MALRD1: variants seen among roughly 807,000 people sequenced by gnomAD.
MALRD1 encodes the protein MAM and LDL receptor class A domain containing 1.
Under a neutral mutation model 242.1 loss-of-function variants are expected in MALRD1, and 247 were observed. That is an observed-to-expected ratio of 1.02 (90% CI 0.92 to 1.13). The LOEUF (loss-of-function observed/expected upper bound fraction) is 1.13. Among genes scored for constraint, MALRD1 ranks in the 50% most tolerant of loss-of-function variants. The pLI, the probability that MALRD1 is intolerant of heterozygous loss-of-function variation, is 0.00. For missense variants in MALRD1, 2,989 were observed against 2,533.1 expected (o/e 1.18, Z -3.86); for synonymous variants, 995 against 866.6 (o/e 1.15, Z -2.60).
intron 20 of MALRD1, among the ~76,000 whole-genome samples, chr10:19,282,588 C>G (rs1840871197): frequency 6.6e-6 from 1 of 152,078 alleles, no homozygotes; most frequent in South Asian, 2.1e-4. Context: ...TTATAGGAAA[C>G]AGGTCCAATA....
At chr10:19,534,781 T>C (rs1224011221) in intron 32 of MALRD1, among the ~76,000 whole-genome samples, 2 of 152,110 alleles carry the variant, frequency 1.3e-5, no homozygotes, top group Admixed American at 6.6e-5. Flanking sequence ...ATTTATAATT[T>C]TTATATTACT....
At chr10:19,208,137 C>CA (rs892186026) in intron 17 of MALRD1, among the ~76,000 whole-genome samples, 1 of 151,200 alleles carries the variant, frequency 6.6e-6, no homozygotes, top group Non-Finnish European at 1.5e-5. Context: ...CTGCTAAAAG[C>CA]AAAACATCAG....
chr10:19,674,221 C>G (rs1288503590), intron 36 of MALRD1, among the ~76,000 whole-genome samples: 1 of 152,140 alleles, frequency 6.6e-6, no homozygotes, highest in Admixed American at 6.5e-5. Flanking sequence ...AACCTCATCT[C>G]CAGTGAGTAA....
At chr10:19,223,645 C>G (rs1185623466) in intron 18 of MALRD1, among the ~76,000 whole-genome samples, 4 of 152,070 alleles carry the variant, frequency 2.6e-5, no homozygotes, top group Admixed American at 6.6e-5. Context: ...TTTGCTGCAC[C>G]CATCAACCCG....
chr10:19,277,400 G>A (rs1238487700), intron 19 of MALRD1, among the ~76,000 whole-genome samples: 2 of 152,076 alleles, frequency 1.3e-5, no homozygotes, highest in Non-Finnish European at 2.9e-5. Flanking sequence ...AGCTCTACCT[G>A]GTAGCCTAAT....
intron 38 of MALRD1, among the ~76,000 whole-genome samples, chr10:19,700,055 C>A (rs1161127712): frequency 6.6e-6 from 1 of 151,796 alleles, no homozygotes; most frequent in East Asian, 1.9e-4. Flanking sequence ...CACACACACA[C>A]ACACACGAAA....
At chr10:19,135,029 C>CA (rs1354609291) in intron 9 of MALRD1, among the ~76,000 whole-genome samples, 4 of 152,076 alleles carry the variant, frequency 2.6e-5, no homozygotes, top group Non-Finnish European at 4.4e-5. Flanking sequence ...TAGCAGCATA[C>CA]AAAGTTTTCT....
intron 38 of MALRD1, among the ~76,000 whole-genome samples, chr10:19,717,515 C>T (rs749195469): frequency 1.3e-5 from 2 of 152,068 alleles, no homozygotes; most frequent in African/African-American, 4.8e-5. Context: ...TAAATGTCAT[C>T]CCAGTAAAAA....
chr10:19,050,389 C>T (rs1590358311), intron 1 of MALRD1, among the ~76,000 whole-genome samples: 1 of 148,956 alleles, frequency 6.7e-6, no homozygotes, highest in Non-Finnish European at 1.5e-5. Context: ...GCCCGGCCTT[C>T]TTTTTTTTTT....
At chr10:19,404,874 A>G (rs1371865567) in intron 28 of MALRD1, among the ~76,000 whole-genome samples, 1 of 152,196 alleles carries the variant, frequency 6.6e-6, no homozygotes, top group Non-Finnish European at 1.5e-5. Flanking sequence ...CTTCTCATAT[A>G]TGGTGAGCTC....
chr10:19,118,923 T>A (rs1165297377), intron 5 of MALRD1, among the ~76,000 whole-genome samples: 1 of 152,160 alleles, frequency 6.6e-6, no homozygotes, highest in Non-Finnish European at 1.5e-5. Flanking sequence ...ATGGAAGGGC[T>A]TTAAGCAGAG....
At chr10:19,714,366 G>T (rs539790826) in intron 38 of MALRD1, among the ~76,000 whole-genome samples, 2 of 152,264 alleles carry the variant, frequency 1.3e-5, no homozygotes, top group Non-Finnish European at 2.9e-5. Flanking sequence ...TCGTTCAGCT[G>T]GTCAGCCTGC....
intron 2 of MALRD1, among the ~76,000 whole-genome samples, chr10:19,084,597 A>G (rs1015500814): frequency 6.6e-6 from 1 of 151,956 alleles, no homozygotes; most frequent in Admixed American, 6.6e-5. Context: ...AAGGCTGCCC[A>G]TCAATGGTTG....
chr10:19,232,780 G>T (rs1388237624), intron 18 of MALRD1, among the ~76,000 whole-genome samples: 1 of 152,034 alleles, frequency 6.6e-6, no homozygotes, highest in East Asian at 1.9e-4. Context: ...GGTGAATACA[G>T]TGGTGACAAT....
At chr10:19,643,917 A>T (rs1840526167) in intron 36 of MALRD1, among the ~76,000 whole-genome samples, 1 of 152,130 alleles carries the variant, frequency 6.6e-6, no homozygotes, top group South Asian at 2.1e-4. Flanking sequence ...GGAGAATGAG[A>T]GTATCTTCCC....
At chr10:19,267,622 A>T (rs1376247916) in intron 19 of MALRD1, among the ~76,000 whole-genome samples, 1 of 152,148 alleles carries the variant, frequency 6.6e-6, no homozygotes, top group African/African-American at 2.4e-5. Flanking sequence ...TACTTTTAAG[A>T]TATCACCTGC....
At chr10:19,266,066 G>GT (rs1839962141) in intron 19 of MALRD1, among the ~76,000 whole-genome samples, 2 of 151,270 alleles carry the variant, frequency 1.3e-5, no homozygotes, top group Admixed American at 6.6e-5. Flanking sequence ...CATGGAATGT[G>GT]TTTTTTGTTC....
Position 19,128,362 on chromosome 10 carries a change from T to C in MALRD1, c.1085T>C (p.Leu362Pro), listed in dbSNP as rs1049251589. Residue 362 changes from leucine to proline, a missense_variant, in exon 8 of 40, where the codon CTG (leucine) becomes CCG (proline). Coordinates refer to ENST00000454679, the MANE Select transcript of MALRD1 (RefSeq NM_001142308.3). ...TATTATGCAATGGAAAGCAGTGTCC[T>C]GAGAGTAAGACTGTATAATAATAAG... Reference protein sequence around the residue: ...QFYYAMESSVLRVRLYNNKEE... With the variant: ...QFYYAMESSVPRVRLYNNKEE... 5.7e-6 allele frequency: 7 copies of C among 1,233,068 alleles called. No individual in the cohort carries two copies. The African/African-American group carries it at 9.3e-5, about 16-fold the overall frequency. 76.4% of individuals were successfully genotyped at this position (1,233,068 alleles called of 1,614,324 possible).
chr10:19,508,752 C>T (rs537878483), intron 31 of MALRD1, among the ~76,000 whole-genome samples: 33 of 152,020 alleles, frequency 2.2e-4, no homozygotes, highest in Non-Finnish European at 3.7e-4. Context: ...TAAAATGTGG[C>T]TACTAAATAT....
Sources: gnomAD v4.1 joint callset for allele counts (sites outside exome capture counted in the v4.1 genomes callset) on GRCh38, gnomAD v4.1.1 for gene constraint, MANE v1.5 for transcripts, NCBI Gene and HGNC (gene_info 2026-07-23, HGNC 2026-07-21) for gene names.